The following CSGALNACT2 variants were observed in gnomAD, a reference collection of about 807,000 sequenced individuals.
CSGALNACT2 encodes beta 4 GalNAcT-2.
A neutral mutation model predicts 55.3 loss-of-function variants in CSGALNACT2; 35 were observed. The observed-to-expected ratio is 0.63, with a 90% CI of 0.48 to 0.84. The LOEUF (loss-of-function observed/expected upper bound fraction) is 0.84. Ranked by LOEUF, CSGALNACT2 falls within the 40% of genes least tolerant of loss-of-function variation. The probability of loss-of-function intolerance (pLI) is 0.00; values close to 1 mark genes in which losing one functional copy is unlikely to be tolerated. For synonymous variants in CSGALNACT2, 196 were observed against 224.9 expected, an observed-to-expected ratio of 0.87 and a Z score of 1.15; for missense variants, 544 against 657.5, an observed-to-expected ratio of 0.83 and a Z score of 1.89.
intron 4 of CSGALNACT2, chr10:43,162,455 C>G (rs1839172714): frequency 2.0e-6 from 2 of 985,394 alleles, no homozygotes; most frequent in Non-Finnish European, 2.4e-6. Flanking sequence ...GAGGGGTATT[C>G]TGTGATCAGT....
rs1839626285 is a variant in CSGALNACT2, at chr10:43,183,268, T to G, written c.1355T>G (p.Val452Gly). 6.2e-7 allele frequency: 1 copy of G among 1,613,272 alleles called. No homozygotes were observed. Among genetic ancestry groups the G allele is most frequent in the African/African-American group, 1.3e-5 (1 of 74,892 alleles). The change falls in exon 8 of 8, where the codon GTG becomes GGG. Residue 452 changes from valine to glycine, a missense_variant. By Grantham distance (109) the Val-to-Gly change is moderately radical. Around this residue, in one of 2 missense-constraint regions of CSGALNACT2, gnomAD observed 170 missense variants for 256.2 expected, o/e 0.66. Coordinates refer to ENST00000374466, the MANE Select transcript of CSGALNACT2 (RefSeq NM_018590.5). ...FLTIGGFDME[V>G]KGWGGEDVHL... Reference sequence around the variant, plus strand: ...CTTACAGGTGGATTTGACATGGAAGTGAAAGGTTGGGGTGGAGAAGATGTT... The same window carrying G: ...CTTACAGGTGGATTTGACATGGAAGGGAAAGGTTGGGGTGGAGAAGATGTT...
intron 6 of CSGALNACT2, among the ~76,000 whole-genome samples, chr10:43,167,926 A>G (rs1839300574): frequency 6.6e-6 from 1 of 152,146 alleles, no homozygotes; most frequent in Admixed American, 6.5e-5. Context: ...GCAGAAGTTA[A>G]TAAAACAAAA....
At chr10:43,166,601 C>T (rs1839269805) in intron 5 of CSGALNACT2, among the ~76,000 whole-genome samples, 1 of 152,140 alleles carries the variant, frequency 6.6e-6, no homozygotes, top group African/African-American at 2.4e-5. Context: ...TGAATTTACT[C>T]TTTCTAATGA....
chr10:43,163,701 T>C, intron 4 of CSGALNACT2, 165 bp from the exon 5 acceptor site: 25 of 985,334 alleles, frequency 2.5e-5, no homozygotes, highest in Non-Finnish European at 3.0e-5. Context: ...CTCTCCCTGA[T>C]GATAATCATA....
chr10:43,145,503 G>A lies in CSGALNACT2; in HGVS notation c.-254+6936G>A, dbSNP rs1288169031. 2.8e-5 allele frequency among the ~76,000 whole-genome samples: 4 copies of A among 143,766 alleles called. No homozygotes were observed. In the Admixed American group the frequency reaches 2.9e-4, roughly 10 times the overall value. The allele number at this position is 143,766 out of a possible 152,430, so 94.3% of individuals were successfully genotyped here. A position where few individuals can be genotyped will look rare whatever the true frequency, so the allele number is the denominator to read the frequency against. ...CAGCTTTGAACTCCTGGGCTCAAGT[G>A]ATCCTCCCACCTCAGCCTCTCAAGT... On this transcript the variant is annotated intron_variant, in intron 1 of 7. Transcript: ENST00000374466.
At chr10:43,147,194 C>G (rs1466924333) in intron 1 of CSGALNACT2, among the ~76,000 whole-genome samples, 2 of 151,642 alleles carry the variant, frequency 1.3e-5, no homozygotes, top group East Asian at 3.9e-4. Context: ...CCGGGATGGT[C>G]TCGATCTCCT....
chr10:43,167,208 AG>A (rs1013589607), intron 6 of CSGALNACT2, 110 bp downstream of exon 6: 3 of 687,152 alleles, frequency 4.4e-6, no homozygotes, highest in Non-Finnish European at 7.6e-6. Context: ...CCATGAGCAA[AG>A]TGTTAAAGAA....
chr10:43,162,332 C>T, intron 4 of CSGALNACT2: 1 of 919,844 alleles, frequency 1.1e-6, no homozygotes, highest in Non-Finnish European at 1.6e-6. Context: ...GGACATTTTG[C>T]CCACTCTTGA....
intron 1 of CSGALNACT2, among the ~76,000 whole-genome samples, chr10:43,143,392 A>G (rs1373346484): frequency 6.6e-6 from 1 of 152,196 alleles, no homozygotes; most frequent in African/African-American, 2.4e-5. Context: ...GTGACTTTAT[A>G]TAGTAGTATG....
intron 1 of CSGALNACT2, among the ~76,000 whole-genome samples, chr10:43,139,186 A>G (rs1838563492): frequency 6.6e-6 from 1 of 152,188 alleles, no homozygotes; most frequent in South Asian, 2.1e-4. Flanking sequence ...TGAGATAGAT[A>G]TGGGATGTCG....
At chr10:43,155,908 CTAGTATTGTATTGTAGACAAATGT>C in intron 2 of CSGALNACT2, 98 bp downstream of exon 2, 1 of 1,006,860 alleles carries the variant, frequency 9.9e-7, no homozygotes, top group Non-Finnish European at 1.5e-6. Flanking sequence ...TAGACAAATG[CTAGTATTGTATTGTAGACAAATGT>C]TAGTAATATA....
intron 1 of CSGALNACT2, among the ~76,000 whole-genome samples, chr10:43,153,338 A>T (rs1838921707): frequency 6.6e-6 from 1 of 151,538 alleles, no homozygotes; most frequent in Non-Finnish European, 1.5e-5. Flanking sequence ...CTGTCTCAAA[A>T]AAAAAAGGAC....
At chr10:43,177,934 T>G (rs1391638859) in intron 7 of CSGALNACT2, among the ~76,000 whole-genome samples, 1 of 152,228 alleles carries the variant, frequency 6.6e-6, no homozygotes, top group Non-Finnish European at 1.5e-5. Context: ...CATGTTATTA[T>G]CTTTTTGTTT....
chr10:43,164,719 C>T (rs145731710), intron 5 of CSGALNACT2, among the ~76,000 whole-genome samples: 387 of 151,088 alleles, frequency 2.6e-3, no homozygotes, highest in African/African-American at 8.8e-3. Flanking sequence ...TGGTGGCGTA[C>T]GCCTGTAGTC....
intron 1 of CSGALNACT2, among the ~76,000 whole-genome samples, chr10:43,153,443 G>A (rs563718794): frequency 6.6e-6 from 1 of 151,612 alleles, no homozygotes; most frequent in Non-Finnish European, 1.5e-5. Context: ...CATTATTTGT[G>A]GTATATTGGC....
chr10:43,146,087 A>T (rs1240738066), intron 1 of CSGALNACT2, among the ~76,000 whole-genome samples: 1 of 152,158 alleles, frequency 6.6e-6, no homozygotes, highest in African/African-American at 2.4e-5. Flanking sequence ...TGTATATATG[A>T]AAGGGAGTTT....
Position 43,158,807 on chromosome 10 carries a change from C to T in CSGALNACT2, c.754C>T (p.Arg252Cys), listed in dbSNP as rs1291346630. Residue 252 changes from arginine to cysteine, a missense_variant, in exon 3 of 8, where the codon CGC (arginine) becomes TGC (cysteine). By Grantham distance (180) the Arg-to-Cys change is radical. Coordinates refer to ENST00000374466, the MANE Select transcript of CSGALNACT2 (RefSeq NM_018590.5). Reference protein sequence around the residue: ...LTEYRHVTLFRPFGPLMKVKS... With the variant: ...LTEYRHVTLFCPFGPLMKVKS... ...GGAATATAGACATGTGACCCTCTTC[C>T]GCCCTTTTGGACCTCTCATGAAAGT... 3.1e-6 allele frequency: 5 copies of T among 1,611,100 alleles called. No homozygotes were observed. Among genetic ancestry groups the T allele is most frequent in the South Asian group, 2.2e-5 (2 of 91,018 alleles).
In CSGALNACT2 at chr10:43,164,026, C is replaced by G; in HGVS notation, c.1141C>G (p.Arg381Gly). ...CTCAGCCGAATTCCTTAACAGCTGC[C>G]GGTTAAATGCTGAGCCAGGTGCGTA... ...YFSAEFLNSC[R>G]LNAEPGKKVF... Residue 381 changes from arginine to glycine, a missense_variant, in exon 5 of 8, where the codon CGG becomes GGG. Coordinates refer to ENST00000374466, the MANE Select transcript of CSGALNACT2 (RefSeq NM_018590.5). 6.2e-7 allele frequency: 1 copy of G among 1,612,738 alleles called. No individual in the cohort carries two copies. The highest frequency in any genetic ancestry group is 1.1e-5 in the South Asian group (1 of 90,910).
intron 4 of CSGALNACT2, chr10:43,163,060 G>T: frequency 2.0e-6 from 2 of 985,158 alleles, no homozygotes; most frequent in East Asian, 1.1e-4. Flanking sequence ...TGATTTGTCT[G>T]ATCCCTTTTC....
Sources: gnomAD v4.1 joint callset for allele counts (sites outside exome capture counted in the v4.1 genomes callset) on GRCh38, gnomAD v4.1.1 for gene constraint, gnomAD v4.1.1 regional missense constraint, MANE v1.5 for transcripts, NCBI Gene and HGNC (gene_info 2026-07-23, HGNC 2026-07-21) for gene names.